CHRM3: variants seen among roughly 807,000 people sequenced by gnomAD.
The protein encoded by CHRM3 is cholinergic receptor muscarinic 3.
A neutral mutation model predicts 41.8 loss-of-function variants in CHRM3; 11 were observed. The ratio of observed to expected loss-of-function variants is 0.26; its 90% CI spans 0.17 to 0.44. The LOEUF (loss-of-function observed/expected upper bound fraction) is 0.44, where lower values mean the gene tolerates loss of function less well. Ranked by LOEUF, CHRM3 falls within the 20% of genes least tolerant of loss-of-function variation. The pLI is 1.00. For synonymous variants in CHRM3, 297 were observed against 301.4 expected (o/e 0.99, Z 0.15); for missense variants, 571 against 745.4 (o/e 0.77, Z 2.72).
intron 1 of CHRM3, among the ~76,000 whole-genome samples, chr1:239,389,033 G>A (rs1015179666): frequency 3.9e-5 from 6 of 152,188 alleles, no homozygotes; most frequent in African/African-American, 1.2e-4. Flanking sequence ...TTATGAGATC[G>A]AATGTAGCAC....
chr1:239,448,523 G>A (rs529110784), intron 1 of CHRM3, among the ~76,000 whole-genome samples: 2 of 152,094 alleles, frequency 1.3e-5, no homozygotes, highest in East Asian at 1.9e-4. Flanking sequence ...TGAGGTTTGG[G>A]GAAAGAAAAT....
chr1:239,495,575 A>T (rs1667827129), intron 2 of CHRM3, among the ~76,000 whole-genome samples: 1 of 152,098 alleles, frequency 6.6e-6, no homozygotes, highest in Non-Finnish European at 1.5e-5. Context: ...GGTGTGGCTT[A>T]AGCACAGGTA....
chr1:239,828,559 G>A (rs569804501), intron 6 of CHRM3, among the ~76,000 whole-genome samples: 7 of 152,246 alleles, frequency 4.6e-5, no homozygotes, highest in African/African-American at 1.7e-4. Flanking sequence ...AAGTGAGGGT[G>A]CTCTCTGGGA....
intron 1 of CHRM3, among the ~76,000 whole-genome samples, chr1:239,422,703 G>A (rs1231483086): frequency 6.6e-5 from 10 of 151,962 alleles, no homozygotes; most frequent in African/African-American, 1.9e-4. Flanking sequence ...GCTGAGGCAG[G>A]AGAATCACTT....
intron 5 of CHRM3, among the ~76,000 whole-genome samples, chr1:239,775,148 T>C (rs1667993157): frequency 6.6e-6 from 1 of 152,150 alleles, no homozygotes; most frequent in Admixed American, 6.6e-5. Flanking sequence ...AAAAAAAAAG[T>C]TTGTTTTACC....
intron 5 of CHRM3, among the ~76,000 whole-genome samples, chr1:239,733,209 C>T (rs1664110396): frequency 6.6e-6 from 1 of 151,908 alleles, no homozygotes; most frequent in East Asian, 1.9e-4. Context: ...CTCTGTATGC[C>T]CTCTAATCCC....
chr1:239,587,836 G>A (rs1174577002), intron 3 of CHRM3, among the ~76,000 whole-genome samples: 1 of 152,098 alleles, frequency 6.6e-6, no homozygotes, highest in Non-Finnish European at 1.5e-5. Flanking sequence ...AGCAACAAAA[G>A]GAGCTTCATA....
At position 239,748,243 on chromosome 1, in the gene CHRM3, A is replaced by G. The variant is rs962414234; in HGVS notation, c.-147+69955A>G. On this transcript the variant is annotated intron_variant, in intron 5 of 6. Transcript: ENST00000676153. This position sits in a 1 kb window ranked among gnomAD's most constrained non-coding sequence, Gnocchi z 4.3. ...TTGAAGATGTATTGTATATCGTTAA[A>G]TAACTGCTTTTTATCATTAATTCTC... Among the ~76,000 whole-genome samples, 1 of 152,238 alleles carries G rather than the reference A, an allele frequency of 6.6e-6. No homozygotes were observed. The highest frequency in any genetic ancestry group is 2.4e-5 in the African/African-American group (1 of 41,472).
chr1:239,627,802 C>A (rs10925931), intron 3 of CHRM3, among the ~76,000 whole-genome samples: 8,284 of 148,698 alleles, frequency 0.056, 277 homozygotes, highest in Middle Eastern at 0.1. Context: ...GTTGAAAATT[C>A]TTTTCTTTAA....
At chr1:239,411,530 G>T (rs1315721094) in intron 1 of CHRM3, among the ~76,000 whole-genome samples, 1 of 151,794 alleles carries the variant, frequency 6.6e-6, no homozygotes, top group Non-Finnish European at 1.5e-5. Context: ...TTCAAGACCA[G>T]CCTGGCCAAC....
At chr1:239,473,338 A>G (rs1306277571) in intron 1 of CHRM3, among the ~76,000 whole-genome samples, 1 of 152,006 alleles carries the variant, frequency 6.6e-6, no homozygotes, top group Admixed American at 6.6e-5. Context: ...TGTAACACAT[A>G]TAACCAAACT....
At chr1:239,560,132 G>A (rs1660722379) in intron 3 of CHRM3, among the ~76,000 whole-genome samples, 1 of 152,116 alleles carries the variant, frequency 6.6e-6, no homozygotes, top group Non-Finnish European at 1.5e-5. Flanking sequence ...TGTTTGATAA[G>A]TATTTTTAAA....
chr1:239,846,535 A>G (rs941338221), intron 6 of CHRM3, among the ~76,000 whole-genome samples: 1 of 152,170 alleles, frequency 6.6e-6, no homozygotes, highest in Non-Finnish European at 1.5e-5. Flanking sequence ...AAAAACTGAG[A>G]CATTTCCCCA....
chr1:239,448,767 T>G (rs1355512645), intron 1 of CHRM3, among the ~76,000 whole-genome samples: 2 of 152,162 alleles, frequency 1.3e-5, no homozygotes, highest in African/African-American at 2.4e-5. Context: ...AAAGCACCCA[T>G]TAGTATTTTT....
chr1:239,658,765 G>C (rs1421852695), intron 4 of CHRM3, among the ~76,000 whole-genome samples: 1 of 150,952 alleles, frequency 6.6e-6, no homozygotes, highest in African/African-American at 2.4e-5. Flanking sequence ...TTGAGACAGA[G>C]TCTCACTTTG....
intron 1 of CHRM3, among the ~76,000 whole-genome samples, chr1:239,473,420 T>C (rs969649854): frequency 5.9e-5 from 9 of 152,058 alleles, no homozygotes; most frequent in Admixed American, 1.3e-4. Context: ...AAGAAAAGAA[T>C]AGGCATTTCA....
At chr1:239,628,912 AGACAGG>A in intron 3 of CHRM3, among the ~76,000 whole-genome samples, 1 of 72,030 alleles carries the variant, frequency 1.4e-5, no homozygotes, top group East Asian at 5.0e-4. Context: ...CAAAGCTGTC[AGACAGG>A]GACACTTAAG....
At chr1:239,841,341 G>A (rs1185087660) in intron 6 of CHRM3, among the ~76,000 whole-genome samples, 2 of 152,042 alleles carry the variant, frequency 1.3e-5, no homozygotes, top group East Asian at 3.9e-4. Flanking sequence ...AAGGGATGTG[G>A]GATTTGGTGG....
At chr1:239,845,600 G>A (rs988710837) in intron 6 of CHRM3, among the ~76,000 whole-genome samples, 1 of 152,152 alleles carries the variant, frequency 6.6e-6, no homozygotes, top group Non-Finnish European at 1.5e-5. Flanking sequence ...CACCATTTGT[G>A]CCAGCTTTGA....
Sources: allele counts gnomAD v4.1 joint callset (sites outside exome capture counted in the v4.1 genomes callset), GRCh38; gene constraint gnomAD v4.1.1; non-coding constraint Gnocchi (gnomAD v3.1); transcripts MANE v1.5; gene names NCBI Gene and HGNC (gene_info 2026-07-23, HGNC 2026-07-21).